GRN: variants seen among roughly 807,000 people sequenced by gnomAD.
The protein encoded by GRN is progranulin.
Under a neutral mutation model 66.7 loss-of-function variants are expected in GRN, and 30 were observed. The ratio of observed to expected loss-of-function variants is 0.45; its 90% CI spans 0.34 to 0.61. The LOEUF (loss-of-function observed/expected upper bound fraction) is 0.61. Ranked by LOEUF, GRN falls within the 20% of genes least tolerant of loss-of-function variation. GRN has a pLI of 0.01. For missense variants in GRN, 731 were observed against 803.5 expected (o/e 0.91, Z 1.09); for synonymous variants, 327 against 311.1 (o/e 1.05, Z -0.54).
rs369538000 is a variant in GRN, at chr17:44,352,101, C to G, written c.1266C>G (p.Ile422Met). The G allele has an allele frequency of 1.2e-6, 2 of 1,613,772 alleles. No homozygotes were observed. Among genetic ancestry groups the G allele is most frequent in the African/African-American group, 2.7e-5 (2 of 74,914 alleles). ...GGCAGTGTCAGCGAGGAAGCGAGATCGTGGCTGGACTGGAGAAGATGCCTG... is the reference window on the plus strand; with the variant it reads ...GGCAGTGTCAGCGAGGAAGCGAGATGGTGGCTGGACTGGAGAAGATGCCTG... Reference protein sequence around the residue: ...AEGQCQRGSEIVAGLEKMPAR... With the variant: ...AEGQCQRGSEMVAGLEKMPAR... The change falls in exon 11 of 13, where the codon ATC becomes ATG. Residue 422 changes from isoleucine (I) to methionine (M), a missense_variant. By Grantham distance (10) the Ile-to-Met change is conservative. Coordinates refer to ENST00000053867, the MANE Select transcript of GRN (RefSeq NM_002087.4).
intron 1 of GRN, among the ~76,000 whole-genome samples, chr17:44,348,838 C>T (rs78403836): frequency 1.3e-5 from 2 of 152,342 alleles, no homozygotes; most frequent in Non-Finnish European, 2.9e-5. Context: ...ACAAAAATCA[C>T]GTCTTCCTGA....
chr17:44,351,650 T>C lies in GRN; in HGVS notation c.1034T>C (p.Met345Thr). 6.2e-7 allele frequency: 1 copy of C among 1,614,038 alleles called. No homozygotes were observed. The highest frequency in any genetic ancestry group is 8.5e-7 in the Non-Finnish European group (1 of 1,179,966). Residue 345 changes from methionine to threonine, a missense_variant, in exon 10 of 13, where the codon ATG becomes ACG. Coordinates refer to ENST00000053867, the MANE Select transcript of GRN (RefSeq NM_002087.4). ...CAGGGGCCCCACCAGGTGCCCTGGA[T>C]GGAGAAGGCCCCAGCTCACCTCAGC... ...CEQGPHQVPW[M>T]EKAPAHLSLP...
chr17:44,350,825 TG>T (rs746397086), intron 7 of GRN, 25 bp downstream of exon 7: 13 of 1,566,160 alleles, frequency 8.3e-6, no homozygotes, highest in Non-Finnish European at 1.1e-5. Context: ...GGAGCCAGCT[TG>T]GCTGTGTGCC....
In GRN at chr17:44,350,343, A is replaced by G. The variant is rs2048360125; in HGVS notation, c.462+3A>G. ...GGGGGTGCTGCCCCATGCCCCAGGTACAAATCTGGGGGAGATGGGGGTATG... is the reference window on the plus strand; with the variant it reads ...GGGGGTGCTGCCCCATGCCCCAGGTGCAAATCTGGGGGAGATGGGGGTATG... On this transcript the variant is annotated splice_donor_region_variant and intron_variant, in intron 5 of 12. Coordinates refer to ENST00000053867, the MANE Select transcript of GRN (RefSeq NM_002087.4). 3 of 1,596,096 alleles carry G rather than the reference A, an allele frequency of 1.9e-6. No individual in the cohort carries two copies. The highest frequency in any genetic ancestry group is 2.6e-6 in the Non-Finnish European group (3 of 1,168,618).
At chr17:44,347,023 A>G (rs2048330805) in intron 1 of GRN, among the ~76,000 whole-genome samples, 1 of 151,946 alleles carries the variant, frequency 6.6e-6, no homozygotes, top group African/African-American at 2.4e-5. Context: ...AGGCTGAGGC[A>G]GGAGAATTGC....
chr17:44,346,841 C>T (rs899697195), intron 1 of GRN, among the ~76,000 whole-genome samples: 3 of 152,142 alleles, frequency 2.0e-5, no homozygotes, highest in African/African-American at 4.8e-5. Context: ...GTCGGCTGGG[C>T]GTGGTGGCTC....
At chr17:44,347,772 T>C (rs1039994164) in intron 1 of GRN, among the ~76,000 whole-genome samples, 10 of 151,140 alleles carry the variant, frequency 6.6e-5, no homozygotes, top group Admixed American at 2.6e-4. Flanking sequence ...ACCAATATGG[T>C]GAAACCCCCT....
chr17:44,345,949 T>G (rs535020012), intron 1 of GRN: 1 of 152,248 alleles, frequency 6.6e-6, no homozygotes, highest in South Asian at 2.1e-4. Flanking sequence ...GGAGCTAGGG[T>G]CTTGAAGAGG....
At chr17:44,346,981 G>A (rs1158956452) in intron 1 of GRN, among the ~76,000 whole-genome samples, 2 of 152,000 alleles carry the variant, frequency 1.3e-5, no homozygotes, top group Non-Finnish European at 2.9e-5. Context: ...GCCAGGTGTG[G>A]TAGCGCACAC....
At chr17:44,350,873 C>A in intron 7 of GRN, 73 bp downstream of exon 7, 1 of 1,415,400 alleles carries the variant, frequency 7.1e-7, no homozygotes, top group Non-Finnish European at 1.0e-6. Context: ...CTTACAGGGG[C>A]TCTGTGGCAT....
intron 4 of GRN, 67 bp from the exon 5 acceptor site, chr17:44,350,161 C>G: frequency 9.1e-7 from 1 of 1,096,520 alleles, no homozygotes; most frequent in Non-Finnish European, 1.4e-6. Context: ...GCCACCAGCT[C>G]CTTGTGTGAT....
At chr17:44,350,002 C>A in intron 4 of GRN, 1 of 653,698 alleles carries the variant, frequency 1.5e-6, no homozygotes, top group Admixed American at 2.2e-5. Flanking sequence ...CGGTCTAATA[C>A]CAACCCATGG....
chr17:44,352,166 G>A lies in GRN; in HGVS notation c.1331G>A (p.Cys444Tyr), dbSNP rs760773108. ...ASLSHPRDIGCDQHTSCPVGQ... is the reference protein window; with the variant it reads ...ASLSHPRDIGYDQHTSCPVGQ... ...TTATCCCACCCCAGAGACATCGGCT[G>A]TGACCAGCACACCAGCTGCCCGGTG... Residue 444 changes from cysteine (C) to tyrosine (Y), a missense_variant, in exon 11 of 13, where the codon TGT becomes TAT. Around this residue, in one of 3 missense-constraint regions of GRN, gnomAD observed 319 missense variants for 347.2 expected, o/e 0.92. Coordinates refer to ENST00000053867, the MANE Select transcript of GRN (RefSeq NM_002087.4). 1.9e-6 allele frequency: 3 copies of A among 1,613,772 alleles called. No homozygotes were observed. Among genetic ancestry groups the A allele is most frequent in the Non-Finnish European group, 1.7e-6 (2 of 1,180,000 alleles).
Position 44,347,281 on chromosome 17 carries a change from G to T in GRN, c.-7-1877G>T, listed in dbSNP as rs891074122. Among the ~76,000 whole-genome samples, 6 of 152,050 alleles carry T rather than the reference G, an allele frequency of 3.9e-5. No homozygotes were observed. In the South Asian group the frequency reaches 6.2e-4, roughly 16 times the overall value. ...CAGCAACGATGTAACATTTTCAGGGGTTTTTTTGTTTTGTTTTTTGAGACA... is the reference window on the plus strand; with the variant it reads ...CAGCAACGATGTAACATTTTCAGGGTTTTTTTTGTTTTGTTTTTTGAGACA... On this transcript the variant is annotated intron_variant, in intron 1 of 12. Transcript: ENST00000053867.
chr17:44,348,061 C>T (rs1370156859), intron 1 of GRN, among the ~76,000 whole-genome samples: 4 of 151,928 alleles, frequency 2.6e-5, no homozygotes, highest in Non-Finnish European at 5.9e-5. Context: ...CATGGCAATA[C>T]CTCATCTCTA....
intron 1 of GRN, among the ~76,000 whole-genome samples, chr17:44,347,575 CCG>C (rs1431109238): frequency 6.6e-6 from 1 of 151,972 alleles, no homozygotes; most frequent in Admixed American, 6.5e-5. Context: ...GCGTTAGCCA[CCG>C]CGCCCAATAT....
chr17:44,347,479 G>C (rs945857931), intron 1 of GRN, among the ~76,000 whole-genome samples: 6 of 151,776 alleles, frequency 4.0e-5, no homozygotes, highest in Admixed American at 1.3e-4. Flanking sequence ...AATAGAGATG[G>C]GGTTTTACCA....
In GRN at chr17:44,351,813, G is replaced by A. The variant is rs1176950696; in HGVS notation, c.1179+18G>A. The stretch of plus-strand genomic sequence containing the variant: ...TCCCAGAGGTATATGGGAGGGGACA[G>A]CATCTTGGCCTGGGCAGGTGGGTGG... On this transcript the variant is annotated intron_variant, in intron 10 of 12. Transcript: ENST00000053867. The A allele has an allele frequency of 1.2e-5, 20 of 1,611,246 alleles. No individual in the cohort carries two copies. The highest frequency in any genetic ancestry group is 1.6e-5 in the Non-Finnish European group (19 of 1,178,924).
At position 44,352,188 on chromosome 17, in the gene GRN, G is replaced by T; in HGVS notation, c.1353G>T (p.Pro451=). 6.2e-7 allele frequency: 1 copy of T among 1,613,354 alleles called. No individual in the cohort carries two copies. The highest frequency in any genetic ancestry group is 8.5e-7 in the Non-Finnish European group (1 of 1,179,890). The stretch of plus-strand genomic sequence containing the variant: ...GCTGTGACCAGCACACCAGCTGCCC[G>T]GTGGGGCAGACCTGCTGCCCGAGCC... The part of the protein sequence containing the change: ...DIGCDQHTSC[P]VGQTCCPSLG... The change falls in exon 11 of 13, where the codon CCG becomes CCT. Residue 451 remains proline (P), a synonymous_variant. Transcript: ENST00000053867.
Sources: allele counts gnomAD v4.1 joint callset (sites outside exome capture counted in the v4.1 genomes callset), GRCh38; gene constraint gnomAD v4.1.1; regional missense constraint gnomAD v4.1.1; transcripts MANE v1.5; gene names NCBI Gene and HGNC (gene_info 2026-07-23, HGNC 2026-07-21).